The following CTNNA3 variants were observed in gnomAD, a reference collection of about 807,000 sequenced individuals.
The protein encoded by CTNNA3 is catenin alpha-3.
A neutral mutation model predicts 95.7 loss-of-function variants in CTNNA3; 76 were observed. The observed-to-expected ratio is 0.79, with a 90% CI of 0.66 to 0.96. The LOEUF (loss-of-function observed/expected upper bound fraction) is 0.96. CTNNA3 is among the 40% of genes least tolerant of loss of function. The pLI is 0.00. For synonymous variants in CTNNA3, 431 were observed against 374.4 expected (o/e 1.15, Z -1.74); for missense variants, 1,191 against 1,089.8 (o/e 1.09, Z -1.31).
chr10:66,431,222 C>T (rs1272047559), intron 11 of CTNNA3, among the ~76,000 whole-genome samples: 1 of 152,050 alleles, frequency 6.6e-6, no homozygotes, highest in Non-Finnish European at 1.5e-5. Context: ...GTTAGAATGG[C>T]GATCATTAAA....
At chr10:67,079,896 CACACACACACACAA>C (rs1856960588) in intron 7 of CTNNA3, among the ~76,000 whole-genome samples, 1 of 120,182 alleles carries the variant, frequency 8.3e-6, no homozygotes, top group African/African-American at 3.3e-5. Flanking sequence ...CACACACACA[CACACACACACACAA>C]AGATAGTCAC....
At chr10:66,363,622 TA>T (rs567566722) in intron 12 of CTNNA3, among the ~76,000 whole-genome samples, 5 of 151,858 alleles carry the variant, frequency 3.3e-5, no homozygotes, top group African/African-American at 1.2e-4. Flanking sequence ...CAGATTACAA[TA>T]AAAAAAATTA....
At chr10:66,598,705 C>T (rs899828437) in intron 10 of CTNNA3, among the ~76,000 whole-genome samples, 4 of 151,612 alleles carry the variant, frequency 2.6e-5, no homozygotes, top group Admixed American at 6.6e-5. Flanking sequence ...GATGAAAGAC[C>T]TGGATACTAA....
At chr10:66,254,282 T>C (rs1437590329) in intron 13 of CTNNA3, among the ~76,000 whole-genome samples, 1 of 152,178 alleles carries the variant, frequency 6.6e-6, no homozygotes, top group Non-Finnish European at 1.5e-5. Context: ...ATGCATCTGG[T>C]ACCAAGCTCT....
At chr10:67,350,140 G>A (rs1309498266) in intron 5 of CTNNA3, among the ~76,000 whole-genome samples, 1 of 152,044 alleles carries the variant, frequency 6.6e-6, no homozygotes, top group Non-Finnish European at 1.5e-5. Context: ...ACAAACTGAG[G>A]TTTAGCTATA....
intron 7 of CTNNA3, among the ~76,000 whole-genome samples, chr10:66,859,219 C>T (rs868053651): frequency 1.6e-4 from 25 of 151,758 alleles, no homozygotes; most frequent in Middle Eastern, 3.4e-3. Flanking sequence ...AAGGCACTTT[C>T]GAAAAGGCAA....
At chr10:67,726,566 A>ATAC (rs1841226325) in intron 1 of CTNNA3, among the ~76,000 whole-genome samples, 1 of 73,452 alleles carries the variant, frequency 1.4e-5, no homozygotes, top group Non-Finnish European at 2.3e-5. Flanking sequence ...AATATAATAT[A>ATAC]TATTACATAT....
At chr10:66,079,364 A>G (rs1033037142) in intron 14 of CTNNA3, 1 of 152,000 alleles carries the variant, frequency 6.6e-6, no homozygotes, top group African/African-American at 2.4e-5. Flanking sequence ...TGACTTTTAA[A>G]AAAGTTAAAT....
intron 7 of CTNNA3, among the ~76,000 whole-genome samples, chr10:66,988,999 T>TA (rs112498182): frequency 0.056 from 8,205 of 145,896 alleles, 441 homozygotes; most frequent in East Asian, 0.29. Context: ...TCCTCTCACT[T>TA]AAAAAAAAAA....
chr10:66,090,839 T>A (rs7905238), intron 14 of CTNNA3, among the ~76,000 whole-genome samples: 47 of 151,732 alleles, frequency 3.1e-4, no homozygotes, highest in African/African-American at 1.0e-3. Flanking sequence ...ACTTATATAT[T>A]AGAAATACAT....
intron 10 of CTNNA3, among the ~76,000 whole-genome samples, chr10:66,571,297 T>C (rs2132164909): frequency 6.6e-6 from 1 of 152,338 alleles, no homozygotes; most frequent in East Asian, 1.9e-4. Context: ...AGTGAAAGCC[T>C]GAATTGGTTA....
chr10:65,965,393 CTTTTTTTTTTT>C (rs561552884), intron 17 of CTNNA3, among the ~76,000 whole-genome samples: 4,419 of 77,808 alleles, frequency 0.057, 133 homozygotes, highest in Middle Eastern at 0.19. Context: ...CTCCCCTCTA[CTTTTTTTTTTT>C]TTTTTTTTTT....
chr10:65,945,158 G>GTATATA (rs772460697), intron 17 of CTNNA3, among the ~76,000 whole-genome samples: 2,212 of 148,926 alleles, frequency 0.015, 60 homozygotes, highest in African/African-American at 0.053. Context: ...GTGTGTGTGT[G>GTATATA]TGTATATATA....
intron 7 of CTNNA3, among the ~76,000 whole-genome samples, chr10:67,100,894 A>G (rs996596536): frequency 2.6e-5 from 4 of 151,732 alleles, no homozygotes; most frequent in African/African-American, 9.7e-5. Context: ...TTTCCACTGT[A>G]CTAAAAGATT....
intron 1 of CTNNA3, among the ~76,000 whole-genome samples, chr10:67,647,828 G>A (rs1235893700): frequency 1.3e-5 from 2 of 151,766 alleles, no homozygotes; most frequent in Non-Finnish European, 2.9e-5. Context: ...TGATCAGAAA[G>A]GTAAGACACA....
chr10:66,795,031 T>C (rs1029751760), intron 7 of CTNNA3, among the ~76,000 whole-genome samples: 4 of 152,158 alleles, frequency 2.6e-5, no homozygotes, highest in Non-Finnish European at 5.9e-5. Flanking sequence ...ACTTTCACCA[T>C]TGAAGTCTTG....
At chr10:66,840,064 G>A (rs962358795) in intron 7 of CTNNA3, among the ~76,000 whole-genome samples, 13 of 151,978 alleles carry the variant, frequency 8.6e-5, no homozygotes, top group Non-Finnish European at 1.9e-4. Flanking sequence ...TCCCGAATAG[G>A]CCAGGTGATG....
At chr10:66,996,370 G>T (rs1030790742) in intron 7 of CTNNA3, among the ~76,000 whole-genome samples, 1 of 152,104 alleles carries the variant, frequency 6.6e-6, no homozygotes, top group African/African-American at 2.4e-5. Context: ...TTTGGGCTGG[G>T]TGCAATGGCT....
chr10:65,950,273 C>G (rs1468722225), intron 17 of CTNNA3, among the ~76,000 whole-genome samples: 1 of 152,144 alleles, frequency 6.6e-6, no homozygotes, highest in African/African-American at 2.4e-5. Context: ...GAAATGACTA[C>G]TTTTGCAAAT....
Sources: allele counts gnomAD v4.1 joint callset (sites outside exome capture counted in the v4.1 genomes callset), GRCh38; gene constraint gnomAD v4.1.1; transcripts MANE v1.5; gene names NCBI Gene and HGNC (gene_info 2026-07-23, HGNC 2026-07-21).